TCEA1: variants seen among roughly 807,000 people sequenced by gnomAD.
TCEA1 encodes transcription elongation factor A1, also known as transcription elongation factor A protein 1.
TCEA1 carries 21 observed loss-of-function variants against 43.8 expected under a neutral mutation model. The observed-to-expected ratio is 0.48, with a 90% CI of 0.34 to 0.69. The LOEUF (loss-of-function observed/expected upper bound fraction) is 0.69, where lower values mean the gene tolerates loss of function less well. Ranked by LOEUF, TCEA1 falls within the 30% of genes least tolerant of loss-of-function variation. The pLI, the probability that TCEA1 is intolerant of heterozygous loss-of-function variation, is 0.01. For synonymous variants in TCEA1, 104 were observed against 117.5 expected, an observed-to-expected ratio of 0.88 and a Z score of 0.75; for missense variants, 250 against 365.1, an observed-to-expected ratio of 0.68 and a Z score of 2.57.
Position 54,001,248 on chromosome 8 carries a change from G to A in TCEA1, c.127-1198C>T, listed in dbSNP as rs570977469. ...ACAATATTTCAAACATATGGTCTATGGAAGAAAAAAATAACAAAAGGAATT... is the reference window on the plus strand; with the variant it reads ...ACAATATTTCAAACATATGGTCTATAGAAGAAAAAAATAACAAAAGGAATT... On this transcript the variant is annotated intron_variant, in intron 2 of 9. Transcript: ENST00000521604. Among the ~76,000 whole-genome samples the A allele has an allele frequency of 2.0e-5, 3 of 152,080 alleles. No individual in the cohort carries two copies. In the South Asian group the frequency reaches 6.2e-4, roughly 32 times the overall value.
At chr8:53,986,260 T>C (rs1194932197) in intron 6 of TCEA1, among the ~76,000 whole-genome samples, 2 of 152,224 alleles carry the variant, frequency 1.3e-5, no homozygotes, top group Non-Finnish European at 2.9e-5. Flanking sequence ...CCAATCCACC[T>C]GCCTGGTCCT....
intron 5 of TCEA1, among the ~76,000 whole-genome samples, chr8:53,987,675 C>T (rs376703555): frequency 7.2e-5 from 11 of 152,088 alleles, no homozygotes; most frequent in African/African-American, 2.7e-4. Flanking sequence ...TTAAATTAAG[C>T]TCCCATATAT....
chr8:54,014,946 T>TA (rs777526047), intron 1 of TCEA1, among the ~76,000 whole-genome samples: 3 of 152,136 alleles, frequency 2.0e-5, no homozygotes, highest in Non-Finnish European at 4.4e-5. Context: ...ATTACACAGA[T>TA]AAAGTATCAA....
intron 4 of TCEA1, among the ~76,000 whole-genome samples, chr8:53,989,290 T>C (rs1803794908): frequency 6.6e-6 from 1 of 152,208 alleles, no homozygotes; most frequent in Admixed American, 6.5e-5. Context: ...CGTTGGATTA[T>C]CACTAAAATG....
intron 8 of TCEA1, chr8:53,972,379 G>GA (rs1195042763): frequency 1.9e-6 from 1 of 538,870 alleles, no homozygotes; most frequent in Non-Finnish European, 3.6e-6. Flanking sequence ...AGGGGTAAAG[G>GA]AAATATAGAA....
chr8:53,973,538 G>T (rs1191918864), intron 8 of TCEA1: 2 of 520,166 alleles, frequency 3.8e-6, no homozygotes, highest in Non-Finnish European at 7.3e-6. Flanking sequence ...ATCTCCAGAA[G>T]AAGAAACCAA....
intron 1 of TCEA1, among the ~76,000 whole-genome samples, chr8:54,019,803 G>A (rs1804965173): frequency 6.6e-6 from 1 of 152,094 alleles, no homozygotes; most frequent in African/African-American, 2.4e-5. Context: ...TCATCAGCCT[G>A]TTTGAATTTC....
chr8:53,975,533 A>T (rs527730293), intron 8 of TCEA1, among the ~76,000 whole-genome samples: 1 of 152,362 alleles, frequency 6.6e-6, no homozygotes, highest in African/African-American at 2.4e-5. Context: ...TGGTATGAAC[A>T]TACAATGGAA....
chr8:54,012,537 C>T (rs1037513992), intron 1 of TCEA1, among the ~76,000 whole-genome samples: 6 of 152,004 alleles, frequency 3.9e-5, no homozygotes, highest in South Asian at 4.1e-4. Flanking sequence ...CCAGCCTGGG[C>T]GACAGAGCGA....
chr8:53,983,454 T>G (rs946078538), intron 7 of TCEA1, among the ~76,000 whole-genome samples: 3 of 152,262 alleles, frequency 2.0e-5, no homozygotes, highest in African/African-American at 7.2e-5. Context: ...AATAGCAAGC[T>G]ATAAATTTCA....
chr8:54,006,225 T>A (rs1055020423), intron 2 of TCEA1, among the ~76,000 whole-genome samples: 1 of 152,244 alleles, frequency 6.6e-6, no homozygotes, highest in Non-Finnish European at 1.5e-5. Context: ...TCTTTGTTTA[T>A]ATGTCAGTTT....
At chr8:53,974,399 C>T (rs965934269) in intron 8 of TCEA1, among the ~76,000 whole-genome samples, 3 of 151,712 alleles carry the variant, frequency 2.0e-5, no homozygotes, top group Non-Finnish European at 4.4e-5. Flanking sequence ...ATTGTATATT[C>T]CTATAGATTA....
At chr8:53,985,192 T>C (rs1255774607) in intron 6 of TCEA1, among the ~76,000 whole-genome samples, 1 of 152,064 alleles carries the variant, frequency 6.6e-6, no homozygotes, top group African/African-American at 2.4e-5. Context: ...AATTTTTGTA[T>C]TTTTAGTAGA....
At chr8:54,013,688 A>AC (rs1804729219) in intron 1 of TCEA1, among the ~76,000 whole-genome samples, 1 of 148,956 alleles carries the variant, frequency 6.7e-6, no homozygotes, top group African/African-American at 2.5e-5. Context: ...CTCAAAAAAA[A>AC]AAAAAAAAAA....
At chr8:53,970,529 T>C in intron 8 of TCEA1, 66 bp from the exon 9 acceptor site, 1 of 781,906 alleles carries the variant, frequency 1.3e-6, no homozygotes, top group Admixed American at 2.5e-5. Flanking sequence ...CAAATAATGT[T>C]ATACATAAAG....
chr8:54,016,586 C>A (rs1413082560), intron 1 of TCEA1, among the ~76,000 whole-genome samples: 1 of 152,172 alleles, frequency 6.6e-6, no homozygotes, highest in African/African-American at 2.4e-5. Context: ...CATCTGTAAT[C>A]CCAGCACTTT....
chr8:53,996,398 T>C (rs1804053360), intron 3 of TCEA1, among the ~76,000 whole-genome samples: 1 of 152,234 alleles, frequency 6.6e-6, no homozygotes, highest in South Asian at 2.1e-4. Flanking sequence ...AGATTCCTCA[T>C]CATAAAATGG....
At chr8:54,004,818 T>A (rs945991542) in intron 2 of TCEA1, among the ~76,000 whole-genome samples, 3 of 152,146 alleles carry the variant, frequency 2.0e-5, no homozygotes, top group Non-Finnish European at 4.4e-5. Flanking sequence ...ACGTTTACTA[T>A]CCTTTTAATA....
intron 2 of TCEA1, among the ~76,000 whole-genome samples, chr8:54,008,281 G>A (rs1259093884): frequency 6.6e-6 from 1 of 150,918 alleles, no homozygotes; most frequent in Non-Finnish European, 1.5e-5. Flanking sequence ...CATGTGAAAA[G>A]GGACTCATAT....
Sources: gnomAD v4.1 joint callset for allele counts (sites outside exome capture counted in the v4.1 genomes callset) on GRCh38, gnomAD v4.1.1 for gene constraint, MANE v1.5 for transcripts, NCBI Gene and HGNC (gene_info 2026-07-23, HGNC 2026-07-21) for gene names.